Variants in ZNF804A observed in about 807,000 individuals in gnomAD.
ZNF804A encodes the protein zinc finger protein 804A.
Under a neutral mutation model 16.5 loss-of-function variants are expected in ZNF804A, and 2 were observed. The observed-to-expected ratio is 0.12, with a 90% confidence interval of 0.05 to 0.38. The LOEUF (loss-of-function observed/expected upper bound fraction) is 0.38, where lower values mean the gene tolerates loss of function less well. ZNF804A is among the 10% of genes least tolerant of loss of function. The probability of loss-of-function intolerance (pLI) is 0.99; values close to 1 mark genes in which losing one functional copy is unlikely to be tolerated. For synonymous variants in ZNF804A, 534 were observed against 489.6 expected (o/e 1.09, Z -1.20); for missense variants, 1,473 against 1,390.7 (o/e 1.06, Z -0.94).
chr2:184,782,496 T>C (rs542621276), intron 1 of ZNF804A, among the ~76,000 whole-genome samples: 42 of 151,556 alleles, frequency 2.8e-4, no homozygotes, highest in Non-Finnish European at 5.0e-4. Flanking sequence ...CCTAGCCTTT[T>C]GGACTACATG....
At chr2:184,797,171 T>G (rs1694643678) in intron 1 of ZNF804A, among the ~76,000 whole-genome samples, 3 of 152,152 alleles carry the variant, frequency 2.0e-5, no homozygotes, top group African/African-American at 7.2e-5. Context: ...TTAAATCAAT[T>G]GTTTCTTTCT....
At chr2:184,752,255 TA>T (rs1158187622) in intron 1 of ZNF804A, among the ~76,000 whole-genome samples, 1 of 151,656 alleles carries the variant, frequency 6.6e-6, no homozygotes, top group African/African-American at 2.4e-5. Flanking sequence ...GTTGACTGAA[TA>T]AAGATAATGT....
intron 1 of ZNF804A, among the ~76,000 whole-genome samples, chr2:184,740,116 A>G (rs1372449982): frequency 2.0e-5 from 3 of 152,196 alleles, no homozygotes; most frequent in African/African-American, 7.2e-5. Flanking sequence ...CAATATTTCA[A>G]GGGACTCATA....
At position 184,938,503 on chromosome 2, in the gene ZNF804A, T is replaced by C; in HGVS notation, c.3107T>C (p.Ile1036Thr). ...PLALPEQALL[I>T]PLENHDKFKN... is the part of the protein sequence containing the mutation. ...GCTTTACCAGAGCAAGCATTATTGA[T>C]CCCACTAGAAAACCATGACAAATTC... is the stretch of plus-strand genomic sequence containing the variant. The change falls in exon 4 of 4, where the codon ATC (isoleucine) becomes ACC (threonine). Residue 1036 changes from isoleucine to threonine, a missense_variant. By Grantham distance (89) the Ile-to-Thr change is moderately conservative (BLOSUM62 -1). Transcript: ENST00000302277. 1 of 1,614,052 alleles carries C rather than the reference T, an allele frequency of 6.2e-7. No individual in the cohort carries two copies.
chr2:184,866,327 G>A, intron 1 of ZNF804A, 42 bp from the exon 2 acceptor site: 33 of 1,601,472 alleles, frequency 2.1e-5, no homozygotes, highest in Non-Finnish European at 2.8e-5. Flanking sequence ...GTAAACACAG[G>A]GGAGAGCTAA....
At chr2:184,687,163 C>T (rs1352487824) in intron 1 of ZNF804A, among the ~76,000 whole-genome samples, 3 of 152,154 alleles carry the variant, frequency 2.0e-5, no homozygotes, top group Non-Finnish European at 4.4e-5. Context: ...AGTTGCTACA[C>T]TTAAATTTTT....
chr2:184,933,266 T>A (rs1442575143), intron 2 of ZNF804A, among the ~76,000 whole-genome samples: 1 of 152,164 alleles, frequency 6.6e-6, no homozygotes. Flanking sequence ...AAGTTGAATT[T>A]TTTTGTAAAT....
chr2:184,924,939 G>T (rs897608549), intron 2 of ZNF804A, among the ~76,000 whole-genome samples: 2 of 151,826 alleles, frequency 1.3e-5, no homozygotes. Context: ...GATGTTTTAA[G>T]ATTTGTTTTG....
At chr2:184,880,521 G>T (rs1039753178) in intron 2 of ZNF804A, among the ~76,000 whole-genome samples, 6 of 151,994 alleles carry the variant, frequency 3.9e-5, no homozygotes, top group African/African-American at 1.4e-4. Flanking sequence ...ACAAGTTATT[G>T]TGTAACCTAG....
At chr2:184,606,293 G>A (rs1272837014) in intron 1 of ZNF804A, among the ~76,000 whole-genome samples, 1 of 152,182 alleles carries the variant, frequency 6.6e-6, no homozygotes, top group East Asian at 1.9e-4. Flanking sequence ...CATGGTGGAT[G>A]GTGAGGGAGA....
At chr2:184,798,412 T>C (rs1471831385) in intron 1 of ZNF804A, among the ~76,000 whole-genome samples, 2 of 151,890 alleles carry the variant, frequency 1.3e-5, no homozygotes, top group Non-Finnish European at 2.9e-5. Context: ...AATCCCAAAC[T>C]TCTTGGAGGC....
At chr2:184,695,362 G>A (rs1411090656) in intron 1 of ZNF804A, among the ~76,000 whole-genome samples, 1 of 150,904 alleles carries the variant, frequency 6.6e-6, no homozygotes, top group East Asian at 2.0e-4. Flanking sequence ...TCGGGAGGCT[G>A]AGGCAGGAGA....
intron 1 of ZNF804A, among the ~76,000 whole-genome samples, chr2:184,773,219 T>A (rs1694243558): frequency 1.3e-5 from 2 of 151,904 alleles, no homozygotes; most frequent in Middle Eastern, 3.4e-3. Context: ...ATTACTAATA[T>A]CTGTATCATA....
chr2:184,936,315 T>A lies in ZNF804A; in HGVS notation c.919T>A (p.Leu307Ile), dbSNP rs988868314. The change falls in exon 4 of 4, where the codon TTA becomes ATA. Residue 307 changes from leucine (L) to isoleucine (I), a missense_variant. Physicochemically the swap from Leu to Ile is conservative, Grantham distance 5 (BLOSUM62 2). Coordinates refer to ENST00000302277, the MANE Select transcript of ZNF804A (RefSeq NM_194250.2). ...AGTCTCTAGTGAAAAAGATGCATTA[T>A]TATTACCTTCATTTTGCAAGTTTCA... ...KEVSSEKDALLLPSFCKFQLQ... is the reference protein window; with the variant it reads ...KEVSSEKDALILPSFCKFQLQ... 12 of 1,613,816 alleles carry A rather than the reference T, an allele frequency of 7.4e-6. No homozygotes were observed. Among genetic ancestry groups the A allele is most frequent in the Non-Finnish European group, 1.0e-5 (12 of 1,179,854 alleles).
chr2:184,918,629 T>G (rs1265089839), intron 2 of ZNF804A, among the ~76,000 whole-genome samples: 1 of 152,322 alleles, frequency 6.6e-6, no homozygotes, highest in Non-Finnish European at 1.5e-5. Context: ...AATCAAACAG[T>G]ATTTATTTTA....
chr2:184,910,875 G>A (rs1047976399), intron 2 of ZNF804A, among the ~76,000 whole-genome samples: 12 of 151,974 alleles, frequency 7.9e-5, no homozygotes, highest in African/African-American at 1.9e-4. Context: ...CATGATATTA[G>A]ACCTTTATCA....
intron 1 of ZNF804A, among the ~76,000 whole-genome samples, chr2:184,714,685 T>C (rs1460786935): frequency 6.6e-6 from 1 of 152,106 alleles, no homozygotes; most frequent in African/African-American, 2.4e-5. Context: ...TCGAGTAAGG[T>C]AACTTGTCTA....
At chr2:184,630,970 A>C (rs1415543915) in intron 1 of ZNF804A, among the ~76,000 whole-genome samples, 1 of 152,182 alleles carries the variant, frequency 6.6e-6, no homozygotes, top group African/African-American at 2.4e-5. Flanking sequence ...AATATGTAGC[A>C]CAAAGTAAAG....
intron 1 of ZNF804A, among the ~76,000 whole-genome samples, chr2:184,810,215 T>C (rs899181943): frequency 6.6e-6 from 1 of 152,172 alleles, no homozygotes; most frequent in African/African-American, 2.4e-5. Context: ...AAATACTATA[T>C]GGTCTCCAAA....
Sources: allele counts gnomAD v4.1 joint callset (sites outside exome capture counted in the v4.1 genomes callset), GRCh38; gene constraint gnomAD v4.1.1; transcripts MANE v1.5; gene names NCBI Gene and HGNC (gene_info 2026-07-23, HGNC 2026-07-21).